C2orf76: variants seen among roughly 807,000 people sequenced by gnomAD.
The protein encoded by C2orf76 is UPF0538 protein C2orf76.
In C2orf76, 23 loss-of-function variants were observed where a neutral mutation model predicts 16.9. The ratio of observed to expected loss-of-function variants is 1.36; its 90% CI spans 0.98 to 1.93. The LOEUF (loss-of-function observed/expected upper bound fraction) is 1.93, where lower values mean the gene tolerates loss of function less well. Ranked by LOEUF, C2orf76 falls within the 30% of genes most tolerant of loss-of-function variation. C2orf76 has a pLI of 0.00. For synonymous variants in C2orf76, 48 were observed against 52.3 expected (o/e 0.92, Z 0.35); for missense variants, 152 against 152.6 (o/e 1.00, Z 0.02).
intron 2 of C2orf76, chr2:119,338,832 A>G (rs1679934791): frequency 6.6e-6 from 1 of 152,214 alleles, no homozygotes; most frequent in African/African-American, 2.4e-5. Flanking sequence ...GCAAAGTACA[A>G]TAACATCAAG....
At chr2:119,289,021 G>C in the C2orf76 span, among the ~76,000 whole-genome samples, 6 of 152,012 alleles carry the variant, frequency 3.9e-5, no homozygotes, top group African/African-American at 1.4e-4. Context: ...AAGTGTATAA[G>C]CAACCCTGGG....
the C2orf76 span, among the ~76,000 whole-genome samples, chr2:119,296,095 A>T: frequency 6.6e-6 from 1 of 152,210 alleles, no homozygotes; most frequent in Admixed American, 6.5e-5. Flanking sequence ...GATGGAAAGA[A>T]ATGACAAATG....
chr2:119,358,804 A>G (rs1680653467), intron 1 of C2orf76, among the ~76,000 whole-genome samples: 1 of 152,174 alleles, frequency 6.6e-6, no homozygotes, highest in South Asian at 2.1e-4. Flanking sequence ...GGAAAGAAGC[A>G]GTCTCCATAA....
intron 2 of C2orf76, among the ~76,000 whole-genome samples, chr2:119,334,703 A>ATATATAT (rs376852438): frequency 8.9e-5 from 13 of 146,192 alleles, no homozygotes; most frequent in East Asian, 2.0e-4. Context: ...AAAAAAACAA[A>ATATATAT]ATATATATAT....
the C2orf76 span, among the ~76,000 whole-genome samples, chr2:119,285,268 C>T: frequency 1.3e-5 from 2 of 152,158 alleles, no homozygotes; most frequent in African/African-American, 2.4e-5. Context: ...TGATATAGTG[C>T]GATAGTCTCG....
intron 1 of C2orf76, among the ~76,000 whole-genome samples, chr2:119,350,109 A>G (rs1359212579): frequency 1.5e-5 from 2 of 134,520 alleles, no homozygotes; most frequent in African/African-American, 5.7e-5. Context: ...TGTTTGTAGA[A>G]CTAATGAGCA....
At chr2:119,322,891 A>G (rs1217802789) in intron 2 of C2orf76, among the ~76,000 whole-genome samples, 2 of 152,214 alleles carry the variant, frequency 1.3e-5, no homozygotes, top group East Asian at 3.8e-4. Context: ...CTGGTCAGAC[A>G]GAGACCAGAA....
intron 2 of C2orf76, among the ~76,000 whole-genome samples, chr2:119,326,445 C>T (rs1383227722): frequency 6.6e-6 from 1 of 152,188 alleles, no homozygotes; most frequent in Non-Finnish European, 1.5e-5. Context: ...ATCACATATG[C>T]AGTACTTGAT....
chr2:119,363,655 G>A (rs1056483361), intron 1 of C2orf76, among the ~76,000 whole-genome samples: 2 of 152,090 alleles, frequency 1.3e-5, no homozygotes, highest in African/African-American at 4.8e-5. Flanking sequence ...GAAATTAGAG[G>A]TTTCATTTAT....
At chr2:119,330,779 G>A (rs1254281722) in intron 2 of C2orf76, among the ~76,000 whole-genome samples, 2 of 142,538 alleles carry the variant, frequency 1.4e-5, no homozygotes, top group East Asian at 4.0e-4. Flanking sequence ...AGATTGTTTT[G>A]TTGCTATGTT....
At position 119,317,480 on chromosome 2, in the gene C2orf76, C is replaced by T; in HGVS notation, c.208G>A (p.Ala70Thr). The T allele has an allele frequency of 1.9e-6, 3 of 1,602,892 alleles. No individual in the cohort carries two copies. In the South Asian group the frequency reaches 3.3e-5, roughly 18 times the overall value. The stretch of plus-strand genomic sequence containing the variant: ...GTGGAACATACCTTTGATTTATGTG[C>T]TTGATGAATAATCTTTAGTGCATCT... ...KYDALKIIHQ[A>T]HKSKTNELVL... The change falls in exon 4 of 6, where the codon GCA becomes ACA. Residue 70 changes from alanine (A) to threonine (T), a missense_variant. Coordinates refer to ENST00000334816, the MANE Select transcript of C2orf76 (RefSeq NM_001322331.2).
intron 1 of C2orf76, among the ~76,000 whole-genome samples, chr2:119,347,315 G>A (rs1053645140): frequency 6.6e-6 from 1 of 152,130 alleles, no homozygotes; most frequent in Non-Finnish European, 1.5e-5. Context: ...GAGAAATAAA[G>A]AAAAGAGAGG....
intron 2 of C2orf76, among the ~76,000 whole-genome samples, chr2:119,339,293 C>A (rs188514648): frequency 2.0e-5 from 3 of 152,260 alleles, no homozygotes; most frequent in Non-Finnish European, 4.4e-5. Flanking sequence ...AGAAGAGAAA[C>A]CCATTGAGGA....
intron 1 of C2orf76, among the ~76,000 whole-genome samples, chr2:119,359,047 C>A (rs561190306): frequency 2.9e-4 from 44 of 152,272 alleles, no homozygotes; most frequent in African/African-American, 1.0e-3. Context: ...AGGGTTAAGG[C>A]AGCTGGTGAC....
chr2:119,343,855 A>C (rs1680115639), intron 1 of C2orf76, among the ~76,000 whole-genome samples: 1 of 152,202 alleles, frequency 6.6e-6, no homozygotes, highest in South Asian at 2.1e-4. Flanking sequence ...AATTCCTCAC[A>C]CACAGGATCT....
In C2orf76 at chr2:119,339,868, A is replaced by G. The variant is rs1679968966; in HGVS notation, c.92T>C (p.Leu31Ser). 1 of 1,610,848 alleles carries G rather than the reference A, an allele frequency of 6.2e-7. No homozygotes were observed. The highest frequency in any genetic ancestry group is 1.7e-5 in the Admixed American group (1 of 59,958). The change falls in exon 2 of 6, where the codon TTG becomes TCG. Residue 31 changes from leucine (L) to serine (S), a missense_variant. Coordinates refer to ENST00000334816, the MANE Select transcript of C2orf76 (RefSeq NM_001322331.2). ...FKPVVYHGVN[L>S]DQTVKEFIVF... ...GATAAATTCCTTTACAGTTTGGTCCAAATTCACTCCGTGATACACTACAGG... is the reference window on the plus strand; with the variant it reads ...GATAAATTCCTTTACAGTTTGGTCCGAATTCACTCCGTGATACACTACAGG...
intron 1 of C2orf76, among the ~76,000 whole-genome samples, chr2:119,348,329 T>A (rs1680271398): frequency 6.6e-6 from 1 of 152,146 alleles, no homozygotes. Context: ...CTGCAGCCAT[T>A]AAAGGGTGAT....
At chr2:119,316,544 C>A (rs1679178606) in intron 4 of C2orf76, among the ~76,000 whole-genome samples, 1 of 152,162 alleles carries the variant, frequency 6.6e-6, no homozygotes, top group South Asian at 2.1e-4. Flanking sequence ...GGTCAACAGA[C>A]ATAGCCTCAT....
the C2orf76 span, among the ~76,000 whole-genome samples, chr2:119,291,806 A>T: frequency 6.6e-6 from 1 of 152,126 alleles, no homozygotes; most frequent in South Asian, 2.1e-4. Context: ...TTCTTTGTAA[A>T]ATAGCAGTGT....
Sources: allele counts gnomAD v4.1 joint callset (sites outside exome capture counted in the v4.1 genomes callset), GRCh38; gene constraint gnomAD v4.1.1; transcripts MANE v1.5; gene names NCBI Gene and HGNC (gene_info 2026-07-23, HGNC 2026-07-21).